Variants in ABHD17C observed in about 807,000 individuals in gnomAD.
The protein encoded by ABHD17C is abhydrolase domain containing 17C, depalmitoylase.
A neutral mutation model predicts 27.9 loss-of-function variants in ABHD17C; 11 were observed. The observed-to-expected ratio is 0.39, with a 90% CI of 0.25 to 0.65. The LOEUF (loss-of-function observed/expected upper bound fraction) is 0.65. Among genes scored for constraint, ABHD17C ranks in the 30% least tolerant of loss-of-function variants. The pLI is 0.45. For missense variants in ABHD17C, 280 were observed against 470.2 expected (o/e 0.60, Z 3.74); for synonymous variants, 233 against 209.1 (o/e 1.11, Z -0.98).
intron 1 of ABHD17C, chr15:80,702,979 G>C (rs1369281816): frequency 6.6e-6 from 1 of 152,238 alleles, no homozygotes; most frequent in African/African-American, 2.4e-5. Flanking sequence ...GTTTTGTGCA[G>C]CTGTAACAGA....
intron 2 of ABHD17C, among the ~76,000 whole-genome samples, chr15:80,751,205 A>T (rs7175754): frequency 0.23 from 34,897 of 151,238 alleles, 4,557 homozygotes; most frequent in East Asian, 0.54. Context: ...CAAAAAAAAA[A>T]AATAATTAGA....
At chr15:80,739,090 C>G (rs1175445819) in intron 1 of ABHD17C, among the ~76,000 whole-genome samples, 1 of 152,196 alleles carries the variant, frequency 6.6e-6, no homozygotes, top group Admixed American at 6.5e-5. Context: ...CAGGGTAGAT[C>G]TAGCTAATGT....
rs552660333 is a variant in ABHD17C, at chr15:80,695,332, T to C, written c.-98T>C. On this transcript the variant is annotated 5_prime_UTR_variant, in exon 1 of 3. Transcript: ENST00000258884. This position sits in a 1 kb window ranked among gnomAD's most constrained non-coding sequence, Gnocchi z 4.3. ...GGCGGGCTGCAGCCGCCCTCCGCGCTCGCCTGCCAGCTCCCTCGCCGCGCG... is the reference window on the plus strand; with the variant it reads ...GGCGGGCTGCAGCCGCCCTCCGCGCCCGCCTGCCAGCTCCCTCGCCGCGCG... The C allele has an allele frequency of 8.3e-3, 6,767 of 820,162 alleles. 52 individuals are homozygous for C. The highest frequency in any genetic ancestry group is 9.6e-3 in the Non-Finnish European group (6,294 of 654,000). 50.8% of individuals were successfully genotyped at this position (820,162 alleles called of 1,614,324 possible). A position where few individuals can be genotyped will look rare whatever the true frequency, so the allele number is the denominator to read the frequency against.
chr15:80,722,547 CT>C (rs200300358), intron 1 of ABHD17C, among the ~76,000 whole-genome samples: 121 of 145,576 alleles, frequency 8.3e-4, no homozygotes, highest in Admixed American at 2.8e-3. Context: ...CTTGCCCACC[CT>C]TTTTTTTTTT....
chr15:80,730,906 A>G (rs1236220271), intron 1 of ABHD17C, among the ~76,000 whole-genome samples: 7 of 152,226 alleles, frequency 4.6e-5, no homozygotes, highest in African/African-American at 1.4e-4. Flanking sequence ...CGATGTTTTT[A>G]GTGGCCAATA....
intron 1 of ABHD17C, among the ~76,000 whole-genome samples, chr15:80,717,441 T>C (rs1207489943): frequency 6.6e-6 from 1 of 151,800 alleles, no homozygotes; most frequent in Non-Finnish European, 1.5e-5. Flanking sequence ...TTGCGCAGGC[T>C]GGAGGGCGGT....
chr15:80,753,941 T>C (rs1895397986), intron 2 of ABHD17C, among the ~76,000 whole-genome samples: 1 of 152,210 alleles, frequency 6.6e-6, no homozygotes, highest in Non-Finnish European at 1.5e-5. Context: ...GGGAAATCTC[T>C]GTACCTTCCT....
At chr15:80,707,898 C>A (rs1182056188) in intron 1 of ABHD17C, among the ~76,000 whole-genome samples, 1 of 152,146 alleles carries the variant, frequency 6.6e-6, no homozygotes, top group Non-Finnish European at 1.5e-5. Flanking sequence ...CAAGAAAACC[C>A]TAAAAAGGCT....
intron 1 of ABHD17C, among the ~76,000 whole-genome samples, chr15:80,745,205 C>T (rs561138853): frequency 1.3e-5 from 2 of 152,328 alleles, no homozygotes; most frequent in East Asian, 3.9e-4. Flanking sequence ...CCAGTGATGA[C>T]CCTTTCCCTT....
intron 1 of ABHD17C, among the ~76,000 whole-genome samples, chr15:80,718,249 A>AT (rs11368250): frequency 0.12 from 17,427 of 150,030 alleles, 1,170 homozygotes; most frequent in Middle Eastern, 0.22. Context: ...CTTGTAGTTT[A>AT]TTTTTTTTTT....
At chr15:80,717,979 TG>T (rs1405846755) in intron 1 of ABHD17C, among the ~76,000 whole-genome samples, 3 of 152,214 alleles carry the variant, frequency 2.0e-5, no homozygotes. Context: ...GAGGTCTGCC[TG>T]GGGAGTCTCT....
At chr15:80,720,018 T>C (rs1894870392) in intron 1 of ABHD17C, among the ~76,000 whole-genome samples, 2 of 152,196 alleles carry the variant, frequency 1.3e-5, no homozygotes, top group South Asian at 2.1e-4. Context: ...CCGGCTAGTC[T>C]TGAACTCCTG....
intron 1 of ABHD17C, among the ~76,000 whole-genome samples, chr15:80,710,738 C>CATT (rs1400508927): frequency 1.3e-5 from 2 of 151,776 alleles, no homozygotes; most frequent in Non-Finnish European, 2.9e-5. Context: ...CTTTCAGTTT[C>CATT]ATTAGCTTTT....
At chr15:80,736,946 C>G (rs1895139160) in intron 1 of ABHD17C, among the ~76,000 whole-genome samples, 1 of 152,194 alleles carries the variant, frequency 6.6e-6, no homozygotes, top group African/African-American at 2.4e-5. Flanking sequence ...GCCTCCATTG[C>G]AGGAACTTCC....
intron 1 of ABHD17C, among the ~76,000 whole-genome samples, chr15:80,735,467 T>G (rs983530108): frequency 1.3e-5 from 2 of 152,072 alleles, no homozygotes; most frequent in Admixed American, 6.6e-5. Flanking sequence ...CCCAGCACCC[T>G]CCTTCCCATT....
chr15:80,732,789 C>T (rs1359708016), intron 1 of ABHD17C, among the ~76,000 whole-genome samples: 1 of 152,158 alleles, frequency 6.6e-6, no homozygotes, highest in Non-Finnish European at 1.5e-5. Flanking sequence ...TTGCAAAACA[C>T]ATTTAAGGGA....
intron 1 of ABHD17C, among the ~76,000 whole-genome samples, chr15:80,700,478 G>A (rs560156227): frequency 3.9e-5 from 6 of 152,246 alleles, no homozygotes; most frequent in African/African-American, 7.2e-5. Flanking sequence ...GCAGAGAAAC[G>A]TTGATACAGT....
chr15:80,696,881 C>T (rs1237768135), intron 1 of ABHD17C, among the ~76,000 whole-genome samples: 1 of 152,142 alleles, frequency 6.6e-6, no homozygotes, highest in African/African-American at 2.4e-5. Flanking sequence ...GTCAGGTTAC[C>T]TGTTTGTGCT....
At chr15:80,738,840 A>T (rs78854728) in intron 1 of ABHD17C, among the ~76,000 whole-genome samples, 13,758 of 152,142 alleles carry the variant, frequency 0.09, 882 homozygotes, top group Middle Eastern at 0.19. Context: ...ATGAACAAAC[A>T]TTTTAGAGAG....
Sources: gnomAD v4.1 joint callset for allele counts (sites outside exome capture counted in the v4.1 genomes callset) on GRCh38, gnomAD v4.1.1 for gene constraint, Gnocchi (gnomAD v3.1) non-coding constraint, MANE v1.5 for transcripts, NCBI Gene and HGNC (gene_info 2026-07-23, HGNC 2026-07-21) for gene names.